CEP120: variants seen among roughly 807,000 people sequenced by gnomAD.
CEP120 encodes the protein centrosomal protein of 120 kDa.
In CEP120, 113 loss-of-function variants were observed where a neutral mutation model predicts 126.5. The ratio of observed to expected loss-of-function variants is 0.89; its 90% CI spans 0.77 to 1.04. CEP120 has a LOEUF of 1.04. CEP120 is among the 50% of genes least tolerant of loss of function. CEP120 has a pLI of 0.00. For synonymous variants in CEP120, 400 were observed against 394.3 expected (o/e 1.01, Z -0.17); for missense variants, 1,230 against 1,155.7 (o/e 1.06, Z -0.93).
chr5:123,422,978 T>G lies in CEP120; in HGVS notation c.21A>C (p.Gln7His), dbSNP rs1197636743. 6.2e-7 allele frequency: 1 copy of G among 1,614,096 alleles called. No individual in the cohort carries two copies. Among genetic ancestry groups the G allele is most frequent in the South Asian group, 1.1e-5 (1 of 91,088 alleles). Residue 7 changes from glutamine (Q) to histidine (H), a missense_variant, in exon 1 of 20, where the codon CAA becomes CAC. Physicochemically the swap from Gln to His is conservative, Grantham distance 24 (BLOSUM62 0). Transcript: ENST00000306467. MVSKSDQLLIVVSILEG... is the reference protein window; with the variant it reads MVSKSDHLLIVVSILEG... The stretch of plus-strand genomic sequence containing the variant: ...CTAGGATGGACACGACGATGAGCAA[T>G]TGGTCGGATTTGGAGACCATGGTTG...
intron 16 of CEP120, among the ~76,000 whole-genome samples, chr5:123,376,834 G>T (rs1366810134): frequency 5.9e-5 from 9 of 152,116 alleles, no homozygotes; most frequent in Non-Finnish European, 1.0e-4. Flanking sequence ...TGTTTTTGCA[G>T]AAAGTAAGTC....
chr5:123,419,149 T>C (rs1774558032), intron 1 of CEP120, among the ~76,000 whole-genome samples: 1 of 152,198 alleles, frequency 6.6e-6, no homozygotes, highest in South Asian at 2.1e-4. Context: ...AGATCCAAGG[T>C]GATGTGAATG....
intron 18 of CEP120, among the ~76,000 whole-genome samples, chr5:123,363,661 A>G (rs1349067493): frequency 1.4e-4 from 21 of 151,512 alleles, no homozygotes; most frequent in Admixed American, 1.4e-3. Context: ...TTTAATTCTC[A>G]TGTAGACTGG....
intron 18 of CEP120, among the ~76,000 whole-genome samples, chr5:123,361,398 T>C (rs540715420): frequency 6.6e-6 from 1 of 151,896 alleles, no homozygotes; most frequent in East Asian, 1.9e-4. Flanking sequence ...GCTATATCCA[T>C]AGCAGCCCAT....
chr5:123,416,121 T>C lies in CEP120; in HGVS notation c.210A>G (p.Leu70=), dbSNP rs554875614. The C allele has an allele frequency of 5.0e-6, 8 of 1,584,772 alleles. No homozygotes were observed. The East Asian group carries it at 1.1e-4, about 22-fold the overall frequency. ...ATTGGAGTTTGATAGGAGTACGCTG[T>C]AGCCTATAACAAAACATGTGATAAA... ...IDRKALHQHR[L]QRTPIKLQCF... is the part of the protein sequence containing the mutation. The change falls in exon 3 of 20, where the codon CTA becomes CTG. Residue 70 remains leucine, a synonymous_variant. Transcript: ENST00000306467.
At chr5:123,392,963 C>G (rs915166332) in intron 6 of CEP120, among the ~76,000 whole-genome samples, 1 of 152,126 alleles carries the variant, frequency 6.6e-6, no homozygotes, top group Non-Finnish European at 1.5e-5. Context: ...TGTGCCTACA[C>G]CTAATATCTC....
chr5:123,393,449 A>G lies in CEP120; in HGVS notation c.661T>C (p.Phe221Leu). The change falls in exon 6 of 20, where the codon TTT becomes CTT. Residue 221 changes from phenylalanine to leucine, a missense_variant. By Grantham distance (22) the Phe-to-Leu change is conservative. Transcript: ENST00000306467. ...TCATTTCCCAGTAAAGAGTAGTAAA[A>G]GAAAAACTCAGGCTGTCTTTCTGGA... ...KLPERQPEFF[F>L]YYSLLGNDVT... 6.2e-7 allele frequency: 1 copy of G among 1,614,166 alleles called. No homozygotes were observed. Among genetic ancestry groups the G allele is most frequent in the Non-Finnish European group, 8.5e-7 (1 of 1,179,996 alleles).
At chr5:123,359,586 T>G (rs1204086037) in intron 18 of CEP120, among the ~76,000 whole-genome samples, 1 of 152,032 alleles carries the variant, frequency 6.6e-6, no homozygotes, top group Non-Finnish European at 1.5e-5. Context: ...AATTACCTCT[T>G]ACAAGTCTAA....
intron 3 of CEP120, among the ~76,000 whole-genome samples, chr5:123,415,707 C>T (rs1056696458): frequency 1.3e-5 from 2 of 152,080 alleles, no homozygotes; most frequent in African/African-American, 4.8e-5. Context: ...AACCCCATCA[C>T]TAAAAATACA....
rs1450488252 is a variant in CEP120, at chr5:123,388,747, G to A, written c.1256-141C>T. On this transcript the variant is annotated intron_variant, in intron 8 of 19. Transcript: ENST00000306467. ...TTGTCTCATGAACATATGAATTGAGGTATAAGTATCTTAAAAGTAACTCAC... is the reference window on the plus strand; with the variant it reads ...TTGTCTCATGAACATATGAATTGAGATATAAGTATCTTAAAAGTAACTCAC... The A allele has an allele frequency of 9.0e-6, 5 of 553,708 alleles. No individual in the cohort carries two copies. In the East Asian group the frequency reaches 9.8e-5, roughly 11 times the overall value. 34.3% of individuals were successfully genotyped at this position (553,708 alleles called of 1,614,324 possible). A position where few individuals can be genotyped will look rare whatever the true frequency, so the allele number is the denominator to read the frequency against.
At chr5:123,359,034 C>T (rs1219102291) in intron 18 of CEP120, among the ~76,000 whole-genome samples, 2 of 152,138 alleles carry the variant, frequency 1.3e-5, no homozygotes, top group African/African-American at 2.4e-5. Context: ...AAGACTTGGA[C>T]CTCCAACTGT....
chr5:123,349,952 T>C lies in CEP120; in HGVS notation c.2718A>G (p.Glu906=), dbSNP rs775901641. The C allele has an allele frequency of 6.2e-7, 1 of 1,613,270 alleles. No individual in the cohort carries two copies. The highest frequency in any genetic ancestry group is 8.5e-7 in the Non-Finnish European group (1 of 1,179,736). The change falls in exon 19 of 20, where the codon GAA becomes GAG. Residue 906 remains glutamate, a synonymous_variant. Coordinates refer to ENST00000306467, the MANE Select transcript of CEP120 (RefSeq NM_001375405.1). ...ACTTTTAGTTATTATACCTGTTCAA[T>C]TCATTTCTTATATCCAACAATTCTT... ...ERQELLDIRN[E]LNRLRQQEQK...
intron 18 of CEP120, among the ~76,000 whole-genome samples, chr5:123,355,084 T>G (rs1769490441): frequency 1.3e-5 from 2 of 152,144 alleles, no homozygotes; most frequent in South Asian, 4.1e-4. Flanking sequence ...TGGTTTCCAG[T>G]TTCATCCATG....
At chr5:123,363,008 G>A (rs1039468100) in intron 18 of CEP120, among the ~76,000 whole-genome samples, 1 of 151,580 alleles carries the variant, frequency 6.6e-6, no homozygotes, top group African/African-American at 2.4e-5. Context: ...GAATCTTCTT[G>A]TTGCATTCCT....
rs1771737901 is a variant in CEP120, at chr5:123,382,773, C to A, written c.1977G>T (p.Met659Ile). Residue 659 changes from methionine (M) to isoleucine (I), a missense_variant, in exon 13 of 20, where the codon ATG becomes ATT. Physicochemically the swap from Met to Ile is conservative, Grantham distance 10. Transcript: ENST00000306467. ...LEYKAALELE[M>I]WKEMQEDIFE... ...ATATATCTTCTTGCATCTCCTTCCA[C>A]ATTTCTAGCTCAAGTGCTGCTTTGT... The A allele has an allele frequency of 1.9e-6, 3 of 1,612,740 alleles. No homozygotes were observed. In the East Asian group the frequency reaches 6.7e-5, roughly 36 times the overall value.
At position 123,383,077 on chromosome 5, in the gene CEP120, T is replaced by C. The variant is rs747999879; in HGVS notation, c.1769A>G (p.Asn590Ser). The part of the protein sequence containing the change: ...SVPVIAAQGS[N>S]NRIADLSYTV... ...GTAAGAAAGATCTGCTATCCTGTTA[T>C]TTGATCTACAAATAAAATAAGAAAT... is the stretch of plus-strand genomic sequence containing the variant. The change falls in exon 12 of 20, where the codon AAT becomes AGT. Residue 590 changes from asparagine to serine, a missense_variant. Coordinates refer to ENST00000306467, the MANE Select transcript of CEP120 (RefSeq NM_001375405.1). The C allele has an allele frequency of 6.8e-7, 1 of 1,460,616 alleles. No individual in the cohort carries two copies. Among genetic ancestry groups the C allele is most frequent in the East Asian group, 2.3e-5 (1 of 43,496 alleles). 90.5% of individuals were successfully genotyped at this position (1,460,616 alleles called of 1,614,324 possible).
chr5:123,375,180 C>A (rs559622206), intron 16 of CEP120, among the ~76,000 whole-genome samples: 1 of 152,138 alleles, frequency 6.6e-6, no homozygotes, highest in South Asian at 2.1e-4. Flanking sequence ...TTCCTACCCC[C>A]TTTTTTTCCC....
Position 123,346,357 on chromosome 5 carries a change from A to G in CEP120, c.*162T>C. ...AAACCAGTGTGGGAGAGGTAGCATA[A>G]AGTAAATAAGATCAAATAAATACTA... On this transcript the variant is annotated 3_prime_UTR_variant, in exon 20 of 20. Coordinates refer to ENST00000306467, the MANE Select transcript of CEP120 (RefSeq NM_001375405.1). 2.0e-6 allele frequency: 1 copy of G among 511,150 alleles called. No homozygotes were observed. Among genetic ancestry groups the G allele is most frequent in the South Asian group, 3.6e-5 (1 of 27,586 alleles). The allele number at this position is 511,150 out of a possible 1,614,324, so 31.7% of individuals were successfully genotyped here.
rs1010156410 is a variant in CEP120 at position 123,418,167 on chromosome 5, C to T, written c.206+192G>A. Among the ~76,000 whole-genome samples, 4 of 152,080 alleles carry T rather than the reference C, an allele frequency of 2.6e-5. No homozygotes were observed. The East Asian group carries it at 7.7e-4, about 29-fold the overall frequency. On this transcript the variant is annotated intron_variant, in intron 2 of 19. Transcript: ENST00000306467. ...TTATATAAAACTACCTTTGACTATG[C>T]GTATAATGTAAAACAAATAAATTTC...
Sources: allele counts gnomAD v4.1 joint callset (sites outside exome capture counted in the v4.1 genomes callset), GRCh38; gene constraint gnomAD v4.1.1; transcripts MANE v1.5; gene names NCBI Gene and HGNC (gene_info 2026-07-23, HGNC 2026-07-21).